KIAA2012: variants seen among roughly 807,000 people sequenced by gnomAD.
The protein encoded by KIAA2012 is KIAA2012.
In KIAA2012, 125 loss-of-function variants were observed where a neutral mutation model predicts 150.6. That is an observed-to-expected ratio of 0.83 (90% CI 0.72 to 0.96). The LOEUF is 0.96. KIAA2012 is among the 40% of genes least tolerant of loss of function. The pLI, the probability that KIAA2012 is intolerant of heterozygous loss-of-function variation, is 0.00. For missense variants in KIAA2012, 1,219 were observed against 1,354.9 expected, an observed-to-expected ratio of 0.90 and a Z score of 1.57; for synonymous variants, 462 against 504.7, an observed-to-expected ratio of 0.92 and a Z score of 1.13.
At chr2:202,157,920 C>T (rs1691561646) in intron 14 of KIAA2012, among the ~76,000 whole-genome samples, 1 of 152,198 alleles carries the variant, frequency 6.6e-6, no homozygotes, top group Non-Finnish European at 1.5e-5. Flanking sequence ...GGATTTTGCC[C>T]TTCCCTCCAG....
intron 11 of KIAA2012, among the ~76,000 whole-genome samples, chr2:202,122,349 T>C (rs1690672130): frequency 6.6e-6 from 1 of 152,164 alleles, no homozygotes. Context: ...CAGCCATGCC[T>C]AAAAGGCATG....
intron 20 of KIAA2012, among the ~76,000 whole-genome samples, 180 bp from the exon 21 acceptor site, chr2:202,194,010 C>T (rs935133370): frequency 6.6e-6 from 1 of 152,338 alleles, no homozygotes; most frequent in Admixed American, 6.5e-5. Flanking sequence ...GTTTCAAGCC[C>T]GCTGGGCTCT....
intron 12 of KIAA2012, among the ~76,000 whole-genome samples, chr2:202,131,108 G>A (rs7606841): frequency 0.35 from 52,786 of 151,922 alleles, 9,425 homozygotes; most frequent in East Asian, 0.59. Context: ...GAATCAGACT[G>A]TGTTCAACAG....
chr2:202,191,108 T>C (rs6753802), intron 19 of KIAA2012, among the ~76,000 whole-genome samples: 134,740 of 152,066 alleles, frequency 0.89, 59,795 homozygotes, highest in African/African-American at 0.91. Flanking sequence ...GAAAGCCCGT[T>C]TCTACTAAAA....
chr2:202,082,732 G>A (rs1336308367), intron 2 of KIAA2012, among the ~76,000 whole-genome samples: 2 of 151,620 alleles, frequency 1.3e-5, no homozygotes, highest in Non-Finnish European at 2.9e-5. Flanking sequence ...CCCTATGGTT[G>A]TAAACTCTAG....
rs753900244 is a variant in KIAA2012 at position 202,159,496 on chromosome 2, C to T, written c.2046+4686C>T. 8.4e-4 allele frequency among the ~76,000 whole-genome samples: 127 copies of T among 152,030 alleles called. 2 individuals are homozygous for T. Among genetic ancestry groups the T allele is most frequent in the Non-Finnish European group, 1.6e-3 (110 of 68,020 alleles). On this transcript the variant is annotated intron_variant, in intron 14 of 23. Coordinates refer to ENST00000498697, the MANE Select transcript of KIAA2012 (RefSeq NM_001277372.4). ...TCTCTGACACTCTGATACTAAGTGA[C>T]CTTGTGATGCTTCTGAGACTCCATT...
intron 21 of KIAA2012, among the ~76,000 whole-genome samples, chr2:202,196,481 C>T (rs1028246786): frequency 5.9e-5 from 9 of 151,986 alleles, no homozygotes; most frequent in African/African-American, 1.2e-4. Context: ...AGGCGTGAGC[C>T]ACCACGCCCG....
intron 2 of KIAA2012, among the ~76,000 whole-genome samples, chr2:202,081,614 C>A (rs538146508): frequency 1.4e-5 from 2 of 145,790 alleles, no homozygotes; most frequent in East Asian, 2.0e-4. Flanking sequence ...ATGGCGCGAT[C>A]TCAGCTCACC....
At chr2:202,169,848 A>G (rs1691849237) in intron 15 of KIAA2012, among the ~76,000 whole-genome samples, 1 of 152,186 alleles carries the variant, frequency 6.6e-6, no homozygotes, top group Non-Finnish European at 1.5e-5. Flanking sequence ...GCCTTTGATT[A>G]AGTCTGTAGT....
chr2:202,161,005 A>AG (rs1691642511), intron 14 of KIAA2012, among the ~76,000 whole-genome samples: 3 of 152,150 alleles, frequency 2.0e-5, no homozygotes, highest in Admixed American at 2.0e-4. Context: ...CATGCCCAGC[A>AG]GGGGGGCTGT....
intron 12 of KIAA2012, among the ~76,000 whole-genome samples, chr2:202,127,288 G>A (rs1690817087): frequency 6.6e-6 from 1 of 152,060 alleles, no homozygotes; most frequent in African/African-American, 2.4e-5. Context: ...ACTAACCTTG[G>A]ATTAAGAAGT....
chr2:202,191,505 A>G (rs1164255873), intron 19 of KIAA2012, among the ~76,000 whole-genome samples: 1 of 151,878 alleles, frequency 6.6e-6, no homozygotes, highest in African/African-American at 2.4e-5. Flanking sequence ...TGATTATGCC[A>G]CTACACTCCA....
Position 202,194,190 on chromosome 2 carries a change from C to T in KIAA2012, c.3015C>T (p.Arg1005=). The change falls in exon 21 of 24, where the codon CGC becomes CGT. Residue 1005 remains arginine (R), a splice_region_variant and synonymous_variant. Coordinates refer to ENST00000498697, the MANE Select transcript of KIAA2012 (RefSeq NM_001277372.4). ...LEQQRRTEEI[R]LRKQRLQEEQ... is the part of the protein sequence containing the mutation. ...CCCTGACCATCTTGGGTTTTCTCAGCTTGAGGAAACAGAGACTCCAAGAAG... is the reference window on the plus strand; with the variant it reads ...CCCTGACCATCTTGGGTTTTCTCAGTTTGAGGAAACAGAGACTCCAAGAAG... 1 of 1,550,390 alleles carries T rather than the reference C, an allele frequency of 6.4e-7. No individual in the cohort carries two copies. The highest frequency in any genetic ancestry group is 8.7e-7 in the Non-Finnish European group (1 of 1,146,870).
At chr2:202,110,410 A>T (rs1183074664) in intron 10 of KIAA2012, among the ~76,000 whole-genome samples, 1 of 152,234 alleles carries the variant, frequency 6.6e-6, no homozygotes, top group Non-Finnish European at 1.5e-5. Flanking sequence ...TAGCTCATAG[A>T]GCAAAAATGG....
chr2:202,154,413 T>C (rs1691483624), intron 13 of KIAA2012, among the ~76,000 whole-genome samples: 1 of 152,178 alleles, frequency 6.6e-6, no homozygotes, highest in Non-Finnish European at 1.5e-5. Context: ...ACAGGGTTGT[T>C]GTGAGGGTTA....
rs963679317 is a variant in KIAA2012, at chr2:202,187,770, T to C, written c.2377-382T>C. Among the ~76,000 whole-genome samples the C allele has an allele frequency of 6.6e-5, 10 of 152,228 alleles. 1 individual carries two copies. Among genetic ancestry groups the C allele is most frequent in the Admixed American group, 4.6e-4 (7 of 15,284 alleles). On this transcript the variant is annotated intron_variant, in intron 17 of 23. Transcript: ENST00000498697. ...TTTCCTGAAAGTTAGCAAATCATTC[T>C]GCAGTGAATAAAGCTGGCTTTGATT...
intron 12 of KIAA2012, among the ~76,000 whole-genome samples, chr2:202,128,160 C>A (rs915515400): frequency 2.0e-5 from 3 of 152,192 alleles, no homozygotes; most frequent in Admixed American, 1.3e-4. Flanking sequence ...ACACTCACCA[C>A]CAACATGTGC....
chr2:202,125,182 G>T (rs967844890), intron 11 of KIAA2012, 32 bp from the exon 12 acceptor site: 3 of 1,517,392 alleles, frequency 2.0e-6, no homozygotes, highest in East Asian at 2.5e-5. Flanking sequence ...ACTTTTTCCC[G>T]CTCTCAGGTA....
intron 13 of KIAA2012, among the ~76,000 whole-genome samples, chr2:202,141,777 TG>T (rs1691201796): frequency 6.6e-6 from 1 of 152,166 alleles, no homozygotes; most frequent in Non-Finnish European, 1.5e-5. Flanking sequence ...GGTGAGCTGC[TG>T]ACATCAATCA....
Sources: allele counts gnomAD v4.1 joint callset (sites outside exome capture counted in the v4.1 genomes callset), GRCh38; gene constraint gnomAD v4.1.1; transcripts MANE v1.5; gene names NCBI Gene and HGNC (gene_info 2026-07-23, HGNC 2026-07-21).